KAZN: variants seen among roughly 807,000 people sequenced by gnomAD.
KAZN encodes the protein kazrin, periplakin interacting protein.
KAZN carries 40 observed loss-of-function variants against 87.4 expected under a neutral mutation model. The observed-to-expected ratio is 0.46, with a 90% CI of 0.36 to 0.60. The LOEUF (loss-of-function observed/expected upper bound fraction) is 0.60. Among genes scored for constraint, KAZN ranks in the 20% least tolerant of loss-of-function variants. The pLI, the probability that KAZN is intolerant of heterozygous loss-of-function variation, is 0.00. For missense variants in KAZN, 898 were observed against 1,073.9 expected (o/e 0.84, Z 2.29); for synonymous variants, 466 against 458.3 (o/e 1.02, Z -0.22).
At chr1:14,001,081 C>T (rs531170433) in intron 1 of KAZN, among the ~76,000 whole-genome samples, 22 of 152,212 alleles carry the variant, frequency 1.4e-4, no homozygotes, top group African/African-American at 3.6e-4. Flanking sequence ...CACGCCCGGC[C>T]GACATGATTT....
Position 14,714,796 on chromosome 1 carries a change from TG to T in KAZN, c.226+115574del, listed in dbSNP as rs1241580131. Among the ~76,000 whole-genome samples the T allele has an allele frequency of 1.1e-4, 13 of 121,738 alleles. 1 individual carries two copies. The East Asian group carries it at 3.0e-3, about 28-fold the overall frequency. The allele number at this position is 121,738 out of a possible 152,430, so 79.9% of individuals were successfully genotyped here. A position where few individuals can be genotyped will look rare whatever the true frequency, so the allele number is the denominator to read the frequency against. On this transcript the variant is annotated intron_variant, in intron 1 of 14. Transcript: ENST00000376030. The stretch of plus-strand genomic sequence containing the variant: ...TTCTTTTTTCTTTTTCTTTTTTTTT[TG>T]TTTTTTTTTTTTTTTGAGACAGGTT...
At chr1:14,250,004 A>C (rs1314006895) in intron 2 of KAZN, among the ~76,000 whole-genome samples, 1 of 152,178 alleles carries the variant, frequency 6.6e-6, no homozygotes, top group Non-Finnish European at 1.5e-5. Flanking sequence ...GCAGCAAAAA[A>C]GCAGTTATGC....
At chr1:14,649,015 C>T (rs1365430090) in intron 1 of KAZN, among the ~76,000 whole-genome samples, 1 of 152,220 alleles carries the variant, frequency 6.6e-6, no homozygotes, top group African/African-American at 2.4e-5. Flanking sequence ...TTGGATTTTA[C>T]AGGATGATTT....
At chr1:14,665,950 A>AAAAT (rs1557874837) in intron 1 of KAZN, among the ~76,000 whole-genome samples, 1 of 151,796 alleles carries the variant, frequency 6.6e-6, no homozygotes, top group Non-Finnish European at 1.5e-5. Context: ...AAAAAAAAAA[A>AAAAT]AAATAACATA....
At chr1:14,568,371 A>G (rs765783143) in intron 2 of KAZN, among the ~76,000 whole-genome samples, 9 of 152,230 alleles carry the variant, frequency 5.9e-5, no homozygotes, top group Non-Finnish European at 1.3e-4. Flanking sequence ...TGCTGCTGAT[A>G]AAGACATACC....
intron 2 of KAZN, among the ~76,000 whole-genome samples, chr1:15,020,487 C>G (rs1670556336): frequency 6.6e-6 from 1 of 152,176 alleles, no homozygotes. Flanking sequence ...GAGATTAATT[C>G]TGCCCCTCTT....
At chr1:14,774,902 T>G (rs1645131977) in intron 1 of KAZN, among the ~76,000 whole-genome samples, 1 of 152,170 alleles carries the variant, frequency 6.6e-6, no homozygotes, top group African/African-American at 2.4e-5. Context: ...CATTGTCCCT[T>G]CTCCTTCGTT....
chr1:14,486,091 G>A (rs1035269603), intron 2 of KAZN, among the ~76,000 whole-genome samples: 1 of 152,090 alleles, frequency 6.6e-6, no homozygotes, highest in Non-Finnish European at 1.5e-5. Flanking sequence ...GCAAAGCCAA[G>A]CTAACGTGGC....
intron 13 of KAZN, chr1:15,112,127 G>A (rs1557808586): frequency 2.2e-6 from 1 of 446,698 alleles, no homozygotes; most frequent in East Asian, 4.3e-5. Context: ...AGAAGCCTGA[G>A]TTCAGATCTT....
chr1:14,075,711 C>G (rs540337942), intron 1 of KAZN, among the ~76,000 whole-genome samples: 2 of 152,152 alleles, frequency 1.3e-5, no homozygotes, highest in Non-Finnish European at 2.9e-5. Context: ...GCCACCTACC[C>G]AAGACAGTCT....
intron 1 of KAZN, among the ~76,000 whole-genome samples, chr1:14,179,341 G>A (rs1436920215): frequency 6.6e-6 from 1 of 152,192 alleles, no homozygotes; most frequent in Non-Finnish European, 1.5e-5. Flanking sequence ...TGTCCTTGCA[G>A]AATGCATGGA....
chr1:14,743,055 C>T (rs1250251933), intron 1 of KAZN, among the ~76,000 whole-genome samples: 1 of 152,188 alleles, frequency 6.6e-6, no homozygotes, highest in African/African-American at 2.4e-5. Context: ...AGCTGAGCTG[C>T]ACTGTGTGTG....
At chr1:14,187,292 A>C (rs1237211010) in intron 2 of KAZN, among the ~76,000 whole-genome samples, 1 of 152,158 alleles carries the variant, frequency 6.6e-6, no homozygotes, top group Non-Finnish European at 1.5e-5. Context: ...CAGATATAGA[A>C]TACCTCACAT....
At chr1:15,004,952 T>C (rs377317668) in intron 2 of KAZN, among the ~76,000 whole-genome samples, 4 of 152,306 alleles carry the variant, frequency 2.6e-5, no homozygotes, top group Non-Finnish European at 4.4e-5. Flanking sequence ...CGACTTTTTA[T>C]GATTGCCATT....
At chr1:14,977,299 C>T (rs1033585331) in intron 2 of KAZN, among the ~76,000 whole-genome samples, 2 of 152,198 alleles carry the variant, frequency 1.3e-5, no homozygotes, top group Non-Finnish European at 2.9e-5. Flanking sequence ...GTAGTAGGGA[C>T]AATTTGCTGG....
At chr1:14,328,273 A>C (rs927732167) in intron 2 of KAZN, among the ~76,000 whole-genome samples, 2 of 152,146 alleles carry the variant, frequency 1.3e-5, no homozygotes, top group African/African-American at 4.8e-5. Flanking sequence ...ATTTAAGAAG[A>C]GATATATTGC....
At chr1:14,389,611 C>G (rs1352036235) in intron 2 of KAZN, among the ~76,000 whole-genome samples, 1 of 152,130 alleles carries the variant, frequency 6.6e-6, no homozygotes, top group Non-Finnish European at 1.5e-5. Flanking sequence ...GAAAGTCATA[C>G]TTCACATATT....
intron 1 of KAZN, among the ~76,000 whole-genome samples, chr1:13,939,979 C>T (rs1002078072): frequency 1.3e-5 from 2 of 152,128 alleles, no homozygotes; most frequent in Non-Finnish European, 2.9e-5. Flanking sequence ...AATCTGACTC[C>T]ATGATCTAAT....
At chr1:14,690,320 T>A (rs1469938228) in intron 1 of KAZN, among the ~76,000 whole-genome samples, 1 of 152,218 alleles carries the variant, frequency 6.6e-6, no homozygotes, top group Non-Finnish European at 1.5e-5. Context: ...ATGGCCCATC[T>A]GATGTTTTTA....
Sources: allele counts gnomAD v4.1 joint callset (sites outside exome capture counted in the v4.1 genomes callset), GRCh38; gene constraint gnomAD v4.1.1; transcripts MANE v1.5; gene names NCBI Gene and HGNC (gene_info 2026-07-23, HGNC 2026-07-21).